Variants in PTPRN2 observed in about 807,000 individuals in gnomAD.
PTPRN2 encodes the protein receptor-type tyrosine-protein phosphatase N2.
PTPRN2 carries 74 observed loss-of-function variants against 118.8 expected under a neutral mutation model. The observed-to-expected ratio is 0.62, with a 90% CI of 0.52 to 0.76. PTPRN2 has a LOEUF of 0.76. Ranked by LOEUF, PTPRN2 falls within the 30% of genes least tolerant of loss-of-function variation. The pLI, the probability that PTPRN2 is intolerant of heterozygous loss-of-function variation, is 0.00. For missense variants in PTPRN2, 1,481 were observed against 1,394.4 expected (o/e 1.06, Z -0.99); for synonymous variants, 641 against 608.0 (o/e 1.05, Z -0.80).
intron 11 of PTPRN2, among the ~76,000 whole-genome samples, chr7:158,059,004 C>T (rs1192681575): frequency 2.6e-5 from 3 of 113,586 alleles, no homozygotes; most frequent in Admixed American, 7.8e-5. Context: ...GACATCACTG[C>T]AGCCACACTC....
chr7:157,733,337 T>G (rs867670168), intron 12 of PTPRN2, among the ~76,000 whole-genome samples: 1 of 19,938 alleles, frequency 5.0e-5, no homozygotes, highest in Non-Finnish European at 9.4e-5. Flanking sequence ...GTTACTCTTT[T>G]CCGTCCCATG....
At position 157,764,861 on chromosome 7, in the gene PTPRN2, C is replaced by T. The variant is rs1423727416; in HGVS notation, c.1789-81924G>A. Among the ~76,000 whole-genome samples, 1 of 152,014 alleles carries T rather than the reference C, an allele frequency of 6.6e-6. No individual in the cohort carries two copies. Among genetic ancestry groups the T allele is most frequent in the East Asian group, 1.9e-4 (1 of 5,192 alleles). ...GCCATTCATCCATCCATCCATCAAG[C>T]ACTCATCCATCCTTCCATCCTTCAT... On this transcript the variant is annotated intron_variant, in intron 12 of 22. Transcript: ENST00000389418. This position sits in a 1 kb window ranked among gnomAD's most constrained non-coding sequence, Gnocchi z 4.5.
At position 157,547,963 on chromosome 7, in the gene PTPRN2, C is replaced by T. The variant is rs1340370071; in HGVS notation, c.2976+983G>A. On this transcript the variant is annotated intron_variant, in intron 22 of 22. Coordinates refer to ENST00000389418, the MANE Select transcript of PTPRN2 (RefSeq NM_002847.5). ...CTCCCTGGGGGGGCGCGTAGGGCATCGCTGGGCCTGTTGGTCAGTGGTTTG... is the reference window on the plus strand; with the variant it reads ...CTCCCTGGGGGGGCGCGTAGGGCATTGCTGGGCCTGTTGGTCAGTGGTTTG... Among the ~76,000 whole-genome samples, 4 of 152,198 alleles carry T rather than the reference C, an allele frequency of 2.6e-5. No homozygotes were observed. In the East Asian group the frequency reaches 5.8e-4, roughly 22 times the overall value.
At chr7:157,563,437 G>A (rs1226230212) in intron 21 of PTPRN2, among the ~76,000 whole-genome samples, 13 of 51,486 alleles carry the variant, frequency 2.5e-4, no homozygotes, top group South Asian at 1.1e-3. Flanking sequence ...GTGCTCCCAC[G>A]TCACCACACA....
intron 1 of PTPRN2, among the ~76,000 whole-genome samples, chr7:158,566,706 T>TTTTTGTTTTG (rs199539485): frequency 2.6e-5 from 4 of 152,174 alleles, no homozygotes; most frequent in African/African-American, 9.6e-5. Context: ...AGTGGGGTTT[T>TTTTTGTTTTG]TTTTGTTTTG....
At chr7:158,441,415 G>A (rs1318525504) in intron 2 of PTPRN2, among the ~76,000 whole-genome samples, 2 of 147,544 alleles carry the variant, frequency 1.4e-5, no homozygotes, top group Non-Finnish European at 3.0e-5. Flanking sequence ...GGTAGTGGTG[G>A]TGATGGTGAT....
At chr7:157,931,140 C>T (rs1312567485) in intron 11 of PTPRN2, among the ~76,000 whole-genome samples, 1 of 152,246 alleles carries the variant, frequency 6.6e-6, no homozygotes, top group Non-Finnish European at 1.5e-5. Flanking sequence ...TGGCATTGTG[C>T]AGAAGGGCAC....
chr7:157,595,211 G>A (rs367917256), intron 17 of PTPRN2, 27 bp downstream of exon 17: 1 of 1,606,558 alleles, frequency 6.2e-7, no homozygotes, highest in African/African-American at 1.3e-5. Flanking sequence ...TTTTCAGAAA[G>A]AGAGATTTTA....
Position 157,764,847 on chromosome 7 carries a change from A to G in PTPRN2, c.1789-81910T>C, listed in dbSNP as rs889470249. Among the ~76,000 whole-genome samples the G allele has an allele frequency of 6.6e-6, 1 of 152,024 alleles. No individual in the cohort carries two copies. Reference sequence around the variant, plus strand: ...AAATGATCCATCCTGCCATTCATCCATCCATCCATCAAGCACTCATCCATC... The same window carrying G: ...AAATGATCCATCCTGCCATTCATCCGTCCATCCATCAAGCACTCATCCATC... On this transcript the variant is annotated intron_variant, in intron 12 of 22. Coordinates refer to ENST00000389418, the MANE Select transcript of PTPRN2 (RefSeq NM_002847.5). The surrounding 1 kb of genome is among the most constrained non-coding windows in gnomAD (Gnocchi z 4.5).
intron 1 of PTPRN2, among the ~76,000 whole-genome samples, chr7:158,492,765 T>C (rs893627345): frequency 1.4e-4 from 21 of 152,236 alleles, no homozygotes; most frequent in African/African-American, 4.8e-4. Context: ...TAATAGTAAT[T>C]ATGACCATAA....
At chr7:158,561,933 G>A (rs958017051) in intron 1 of PTPRN2, among the ~76,000 whole-genome samples, 4 of 152,214 alleles carry the variant, frequency 2.6e-5, no homozygotes, top group African/African-American at 9.6e-5. Context: ...TCCCCAAGAA[G>A]AGGAACACTG....
intron 12 of PTPRN2, among the ~76,000 whole-genome samples, chr7:157,832,150 G>T (rs958607950): frequency 3.9e-5 from 6 of 152,194 alleles, no homozygotes; most frequent in African/African-American, 1.4e-4. Flanking sequence ...CTGCTCAGCC[G>T]GTCTCACAGG....
At chr7:158,113,802 G>A (rs1329901365) in intron 9 of PTPRN2, among the ~76,000 whole-genome samples, 1 of 152,196 alleles carries the variant, frequency 6.6e-6, no homozygotes, top group East Asian at 1.9e-4. Flanking sequence ...TGGCCACCAG[G>A]GACACAGCCT....
chr7:157,621,344 C>G lies in PTPRN2; in HGVS notation c.2344+18G>C. 1 of 1,604,524 alleles carries G rather than the reference C, an allele frequency of 6.2e-7. No homozygotes were observed. The highest frequency in any genetic ancestry group is 8.5e-7 in the Non-Finnish European group (1 of 1,173,224). On this transcript the variant is annotated intron_variant, in intron 15 of 22. Transcript: ENST00000389418. The stretch of plus-strand genomic sequence containing the variant: ...CCGCCCGTAACCCAGGCTTCCTGCC[C>G]CCGGGGCTGGTACGTACAGGTCAGC...
At chr7:157,800,723 C>G (rs369143633) in intron 12 of PTPRN2, among the ~76,000 whole-genome samples, 1 of 150,600 alleles carries the variant, frequency 6.6e-6, no homozygotes, top group Admixed American at 6.6e-5. Flanking sequence ...GAGGCCGAGG[C>G]GGGCGGATCA....
At chr7:157,840,106 CGTGACT>C (rs1584834051) in intron 12 of PTPRN2, among the ~76,000 whole-genome samples, 3 of 142,448 alleles carry the variant, frequency 2.1e-5, no homozygotes, top group East Asian at 2.2e-4. Context: ...TGTGTGACCG[CGTGACT>C]GTGTGACTGT....
intron 12 of PTPRN2, among the ~76,000 whole-genome samples, chr7:157,746,607 C>G (rs1238766237): frequency 6.6e-6 from 1 of 151,674 alleles, no homozygotes; most frequent in Non-Finnish European, 1.5e-5. Flanking sequence ...ATACACCCCA[C>G]AGTCCTCACG....
Position 157,948,845 on chromosome 7 carries a change from G to T in PTPRN2, c.1724-50108C>A, listed in dbSNP as rs1203900879. 2.0e-5 allele frequency among the ~76,000 whole-genome samples: 3 copies of T among 152,110 alleles called. No individual in the cohort carries two copies. The East Asian group carries it at 5.8e-4, about 29-fold the overall frequency. On this transcript the variant is annotated intron_variant, in intron 11 of 22. Coordinates refer to ENST00000389418, the MANE Select transcript of PTPRN2 (RefSeq NM_002847.5). Reference sequence around the variant, plus strand: ...GGAAGCTCAACTGGTGAGTCCGGTTGGCCTTAAAACAAGATGTGTTTGAAT... The same window carrying T: ...GGAAGCTCAACTGGTGAGTCCGGTTTGCCTTAAAACAAGATGTGTTTGAAT...
chr7:157,545,940 T>C (rs1563200667), intron 22 of PTPRN2, among the ~76,000 whole-genome samples: 1 of 152,180 alleles, frequency 6.6e-6, no homozygotes, highest in Non-Finnish European at 1.5e-5. Flanking sequence ...CCAAATAATT[T>C]TTCTATCTTT....
Sources: gnomAD v4.1 joint callset for allele counts (sites outside exome capture counted in the v4.1 genomes callset) on GRCh38, gnomAD v4.1.1 for gene constraint, Gnocchi (gnomAD v3.1) non-coding constraint, MANE v1.5 for transcripts, NCBI Gene and HGNC (gene_info 2026-07-23, HGNC 2026-07-21) for gene names.